Variants in RB1 observed in about 807,000 individuals in gnomAD.
RB1 encodes the protein retinoblastoma-associated protein.
Under a neutral mutation model 135.4 loss-of-function variants are expected in RB1, and 18 were observed. The ratio of observed to expected loss-of-function variants is 0.13; its 90% CI spans 0.09 to 0.20. The LOEUF is 0.20. Ranked by LOEUF, RB1 falls within the 10% of genes least tolerant of loss-of-function variation. The pLI, the probability that RB1 is intolerant of heterozygous loss-of-function variation, is 1.00. For missense variants in RB1, 868 were observed against 1,110.0 expected (o/e 0.78, Z 3.10); for synonymous variants, 365 against 373.2 (o/e 0.98, Z 0.25).
chr13:48,321,324 T>C (rs1397834064), intron 2 of RB1, among the ~76,000 whole-genome samples: 1 of 147,694 alleles, frequency 6.8e-6, no homozygotes, highest in African/African-American at 2.5e-5. Flanking sequence ...CTTAGCATAA[T>C]GGTCTCCCTG....
chr13:48,412,084 G>T, intron 17 of RB1: 1 of 1,605,570 alleles, frequency 6.2e-7, no homozygotes, highest in Non-Finnish European at 8.5e-7. Context: ...GCCAGAAATC[G>T]ATCTACACTA....
intron 7 of RB1, among the ~76,000 whole-genome samples, chr13:48,361,703 T>C (rs1282094090): frequency 1.3e-5 from 2 of 152,172 alleles, no homozygotes; most frequent in Non-Finnish European, 2.9e-5. Flanking sequence ...ATAAGATTTA[T>C]ACTTTGTGTT....
chr13:48,449,322 A>G (rs190561883), intron 17 of RB1, among the ~76,000 whole-genome samples: 2 of 152,272 alleles, frequency 1.3e-5, no homozygotes, highest in Non-Finnish European at 2.9e-5. Flanking sequence ...GTTATTTGGT[A>G]GAGCAATTTC....
At position 48,305,743 on chromosome 13, in the gene RB1, AT is replaced by A. The variant is rs553403495; in HGVS notation, c.138-1536del. ...TCATTAACATAGACAGTTGAACTCT[AT>A]AAATTAACCAGCAAGGGTAGAACCG... On this transcript the variant is annotated intron_variant, in intron 1 of 26. Coordinates refer to ENST00000267163, the MANE Select transcript of RB1 (RefSeq NM_000321.3). Among the ~76,000 whole-genome samples, 835 of 152,362 alleles carry A rather than the reference AT, an allele frequency of 5.5e-3. 5 individuals are homozygous for A. The highest frequency in any genetic ancestry group is 0.01 in the Middle Eastern group (3 of 294).
At chr13:48,464,958 C>CTA in intron 21 of RB1, 40 bp from the exon 22 acceptor site, 1 of 831,616 alleles carries the variant, frequency 1.2e-6, no homozygotes, top group Non-Finnish European at 1.6e-6. Flanking sequence ...GTAAATTTTA[C>CTA]TTTTTTTTTT....
chr13:48,417,720 C>G (rs1948937138), intron 17 of RB1, among the ~76,000 whole-genome samples: 1 of 152,032 alleles, frequency 6.6e-6, no homozygotes, highest in Non-Finnish European at 1.5e-5. Flanking sequence ...AAACACAGCA[C>G]AAGAACTTCG....
intron 26 of RB1, among the ~76,000 whole-genome samples, chr13:48,479,107 A>G (rs1167335678): frequency 6.6e-6 from 1 of 152,142 alleles, no homozygotes; most frequent in Non-Finnish European, 1.5e-5. Context: ...ATGTGCCTGT[A>G]GTCTTGGCTA....
chr13:48,372,052 T>C (rs1183654396), intron 11 of RB1, among the ~76,000 whole-genome samples: 1 of 152,100 alleles, frequency 6.6e-6, no homozygotes, highest in East Asian at 1.9e-4. Flanking sequence ...CCCCCTACTC[T>C]CCATGGTCCA....
intron 24 of RB1, 100 bp downstream of exon 24, chr13:48,473,490 C>A: frequency 1.0e-6 from 1 of 987,164 alleles, no homozygotes; most frequent in Non-Finnish European, 1.6e-6. Context: ...GTTATTCAAA[C>A]ACCTCATCCA....
At chr13:48,414,184 C>T (rs1948867747) in intron 17 of RB1, among the ~76,000 whole-genome samples, 1 of 151,912 alleles carries the variant, frequency 6.6e-6, no homozygotes, top group African/African-American at 2.4e-5. Flanking sequence ...CCCATCTCTA[C>T]CAAAAATACA....
chr13:48,448,784 C>G lies in RB1; in HGVS notation c.1696-4209C>G, dbSNP rs140438822. Among the ~76,000 whole-genome samples the G allele has an allele frequency of 4.1e-4, 62 of 152,298 alleles. No individual in the cohort carries two copies. The Middle Eastern group carries it at 0.01, about 25-fold the overall frequency. ...AGAAAAGAGTTGAATGTTCAAGTGGCTACTTGAAGTCACTTCATGTGATGT... is the reference window on the plus strand; with the variant it reads ...AGAAAAGAGTTGAATGTTCAAGTGGGTACTTGAAGTCACTTCATGTGATGT... On this transcript the variant is annotated intron_variant, in intron 17 of 26. Coordinates refer to ENST00000267163, the MANE Select transcript of RB1 (RefSeq NM_000321.3).
At chr13:48,387,627 TGTA>T (rs1948580325) in intron 17 of RB1, among the ~76,000 whole-genome samples, 1 of 152,178 alleles carries the variant, frequency 6.6e-6, no homozygotes, top group Non-Finnish European at 1.5e-5. Flanking sequence ...GACTCATTAT[TGTA>T]GTCAATTTTA....
chr13:48,473,019 A>G (rs1193678481), intron 23 of RB1, among the ~76,000 whole-genome samples: 3 of 152,182 alleles, frequency 2.0e-5, no homozygotes, highest in Non-Finnish European at 4.4e-5. Context: ...TTTAAATGAG[A>G]AAATATGAAA....
intron 17 of RB1, among the ~76,000 whole-genome samples, chr13:48,382,344 T>C (rs1948542507): frequency 6.6e-6 from 1 of 152,188 alleles, no homozygotes; most frequent in Admixed American, 6.5e-5. Context: ...TTTCTTCACA[T>C]CCTCTCCAGC....
At chr13:48,327,760 C>T (rs181769879) in intron 2 of RB1, among the ~76,000 whole-genome samples, 1 of 152,178 alleles carries the variant, frequency 6.6e-6, no homozygotes, top group African/African-American at 2.4e-5. Flanking sequence ...CTTTTTGCTT[C>T]CCTCTTAATG....
chr13:48,478,287 G>A (rs765576298), intron 26 of RB1, among the ~76,000 whole-genome samples: 58 of 152,118 alleles, frequency 3.8e-4, no homozygotes, highest in Non-Finnish European at 6.5e-4. Flanking sequence ...TTAAAAGGAT[G>A]CTTTTTTTCT....
At chr13:48,462,119 C>G (rs1326602099) in intron 20 of RB1, among the ~76,000 whole-genome samples, 1 of 151,438 alleles carries the variant, frequency 6.6e-6, no homozygotes. Flanking sequence ...GCATGAGCCA[C>G]CATGCCCAGC....
At chr13:48,476,602 T>C (rs2138358449) in intron 24 of RB1, 99 bp from the exon 25 acceptor site, 1 of 1,257,024 alleles carries the variant, frequency 8.0e-7, no homozygotes, top group Non-Finnish European at 1.1e-6. Flanking sequence ...GTTATTACCT[T>C]TGCCTGATTT....
intron 20 of RB1, among the ~76,000 whole-genome samples, chr13:48,463,089 T>C (rs528063317): frequency 7.2e-5 from 11 of 152,330 alleles, no homozygotes; most frequent in African/African-American, 2.6e-4. Flanking sequence ...ATAAAGTTCA[T>C]ACAAATAAAG....
Sources: allele counts gnomAD v4.1 joint callset (sites outside exome capture counted in the v4.1 genomes callset), GRCh38; gene constraint gnomAD v4.1.1; transcripts MANE v1.5; gene names NCBI Gene and HGNC (gene_info 2026-07-23, HGNC 2026-07-21).